ZNF850: variants seen among roughly 807,000 people sequenced by gnomAD.
ZNF850 encodes the protein putative zinc finger protein ENSP00000330994.
A neutral mutation model predicts 11.9 loss-of-function variants in ZNF850; 2 were observed. The ratio of observed to expected loss-of-function variants is 0.17; its 90% CI spans 0.07 to 0.53. The LOEUF is 0.53. Among genes scored for constraint, ZNF850 ranks in the 20% least tolerant of loss-of-function variants. The pLI is 0.94. For missense variants in ZNF850, 1,014 were observed against 1,316.4 expected (o/e 0.77, Z 3.55); for synonymous variants, 381 against 443.0 (o/e 0.86, Z 1.76).
chr19:36,761,633 C>T lies in ZNF850; in HGVS notation c.235+10G>A, dbSNP rs777354727. 2.5e-5 allele frequency: 38 copies of T among 1,512,262 alleles called. No individual in the cohort carries two copies. Among genetic ancestry groups the T allele is most frequent in the Middle Eastern group, 1.7e-4 (1 of 5,966 alleles). The allele number at this position is 1,512,262 out of a possible 1,614,324, so 93.7% of individuals were successfully genotyped here. ...GCAGTGTCTTCCCCATGTGCTCAGT[C>T]CTTACTCACCTCGGCACCATCCTCC... is the stretch of plus-strand genomic sequence containing the variant. On this transcript the variant is annotated intron_variant, in intron 4 of 4. Transcript: ENST00000591344.
At chr19:36,770,703 C>CAAAAAAAAAAAAAAAAAA (rs567709722) in intron 1 of ZNF850, among the ~76,000 whole-genome samples, 4 of 66,610 alleles carry the variant, frequency 6.0e-5, no homozygotes, top group Middle Eastern at 9.1e-3. Flanking sequence ...GAGACTCCAT[C>CAAAAAAAAAAAAAAAAAA]AAAAAAAAAA....
Position 36,747,808 on chromosome 19 carries a change from T to A in ZNF850, c.3232A>T (p.Thr1078Ser). ...ATTCTCTGATGTCGAGTAAGCTGTG[T>A]AAGCTGTTTAAAGGCCTTCCCACAT... is the stretch of plus-strand genomic sequence containing the variant. ...KTCGKAFKQL[T>S]QLTRHQRIHD... Residue 1078 changes from threonine (T) to serine (S), a missense_variant, in exon 5 of 5, where the codon ACA (threonine) becomes TCA (serine). Around this residue, in one of 2 missense-constraint regions of ZNF850, gnomAD observed 179 missense variants for 294.4 expected, o/e 0.61. Transcript: ENST00000591344. The A allele has an allele frequency of 6.4e-7, 1 of 1,561,932 alleles. No homozygotes were observed. The highest frequency in any genetic ancestry group is 8.6e-7 in the Non-Finnish European group (1 of 1,158,286).
intron 3 of ZNF850, 32 bp from the exon 4 acceptor site, chr19:36,761,770 G>T (rs765092623): frequency 4.6e-6 from 6 of 1,311,214 alleles, no homozygotes; most frequent in Admixed American, 2.0e-5. Context: ...AGATAGCCAG[G>T]CATGGTGGCT....
At chr19:36,762,916 G>C (rs1260604982) in intron 1 of ZNF850, among the ~76,000 whole-genome samples, 2 of 151,266 alleles carry the variant, frequency 1.3e-5, no homozygotes, top group African/African-American at 4.9e-5. Flanking sequence ...TTTGAGACAG[G>C]GTCTCGTTCT....
At chr19:36,768,146 C>T (rs2040559629) in intron 1 of ZNF850, among the ~76,000 whole-genome samples, 1 of 151,764 alleles carries the variant, frequency 6.6e-6, no homozygotes, top group Admixed American at 6.6e-5. Context: ...TGGTGTACAT[C>T]TGTGAACTGT....
chr19:36,757,503 C>CTTTTTT, intron 4 of ZNF850, among the ~76,000 whole-genome samples: 1 of 97,398 alleles, frequency 1.0e-5, no homozygotes, highest in Non-Finnish European at 2.1e-5. Context: ...AATATAGTTT[C>CTTTTTT]TTTTTTTTTT....
At position 36,748,343 on chromosome 19, in the gene ZNF850, A is replaced by G. The variant is rs753305498; in HGVS notation, c.2697T>C (p.Cys899=). The G allele has an allele frequency of 4.4e-6, 7 of 1,593,622 alleles. No individual in the cohort carries two copies. Among genetic ancestry groups the G allele is most frequent in the East Asian group, 2.3e-5 (1 of 44,206 alleles). Residue 899 remains cysteine, a synonymous_variant, in exon 5 of 5, where the codon TGT becomes TGC. Transcript: ENST00000591344. ...RIHTGEKPYD[C]KECGKAFRRR... ...GTCTAAAGGCCTTGCCACATTCCTT[A>G]CAATCATAGGGTTTCTCACCAGTGT...
chr19:36,766,238 A>C (rs1458117415), intron 1 of ZNF850, among the ~76,000 whole-genome samples: 1 of 151,514 alleles, frequency 6.6e-6, no homozygotes, highest in Non-Finnish European at 1.5e-5. Context: ...ATGTTCCTTG[A>C]AGACAAAACC....
Position 36,744,534 on chromosome 19 carries a change from G to A in ZNF850, c.*3233C>T, listed in dbSNP as rs1200926911. 6.6e-6 allele frequency: 1 copy of A among 152,046 alleles called. No homozygotes were observed. Among genetic ancestry groups the A allele is most frequent in the Non-Finnish European group, 1.5e-5 (1 of 68,104 alleles). The allele number at this position is 152,046 out of a possible 1,614,324, so 9.4% of individuals were successfully genotyped here. On this transcript the variant is annotated 3_prime_UTR_variant, in exon 5 of 5. Coordinates refer to ENST00000591344, the MANE Select transcript of ZNF850 (RefSeq NM_001193552.2). ...CCTTGCTACTCGGGAGGCTGAGGTGGGGGATCGATTGAGCCCGGGAAGTTG... is the reference window on the plus strand; with the variant it reads ...CCTTGCTACTCGGGAGGCTGAGGTGAGGGATCGATTGAGCCCGGGAAGTTG...
At chr19:36,766,042 C>A (rs1262718989) in intron 1 of ZNF850, among the ~76,000 whole-genome samples, 1 of 151,722 alleles carries the variant, frequency 6.6e-6, no homozygotes, top group Non-Finnish European at 1.5e-5. Flanking sequence ...GCACACACCA[C>A]CACACCTGGC....
chr19:36,769,308 A>G (rs1369965405), intron 1 of ZNF850, among the ~76,000 whole-genome samples: 1 of 146,834 alleles, frequency 6.8e-6, no homozygotes, highest in African/African-American at 2.5e-5. Flanking sequence ...AAGAAAGAAA[A>G]AGAAAATCAG....
In ZNF850 at chr19:36,749,654, T is replaced by G; in HGVS notation, c.1386A>C (p.Ser462=). ...GAATCCGCTGATGTTGAAGTAGTGC[T>G]GAGCCCGAAGCAAAAGATTTCCCAC... ...KECGKSFASG[S]ALLQHQRIHT... is the part of the protein sequence containing the mutation. The change falls in exon 5 of 5, where the codon TCA becomes TCC. Residue 462 remains serine (S), a synonymous_variant. Coordinates refer to ENST00000591344, the MANE Select transcript of ZNF850 (RefSeq NM_001193552.2). The G allele has an allele frequency of 6.4e-7, 1 of 1,554,436 alleles. No individual in the cohort carries two copies. The highest frequency in any genetic ancestry group is 1.2e-5 in the South Asian group (1 of 84,812).
chr19:36,744,240 G>T lies in ZNF850; in HGVS notation c.*3527C>A, dbSNP rs963726606. The T allele has an allele frequency of 2.0e-5, 3 of 151,528 alleles. No individual in the cohort carries two copies. The highest frequency in any genetic ancestry group is 4.4e-5 in the Non-Finnish European group (3 of 67,948). 9.4% of individuals were successfully genotyped at this position (151,528 alleles called of 1,614,324 possible). A position where few individuals can be genotyped will look rare whatever the true frequency, so the allele number is the denominator to read the frequency against. ...CTTTGGTCAATAAGAATATACAGGT[G>T]ATCTTTCTGTCTTCATTGTGCTTTT... On this transcript the variant is annotated 3_prime_UTR_variant, in exon 5 of 5. Coordinates refer to ENST00000591344, the MANE Select transcript of ZNF850 (RefSeq NM_001193552.2).
In ZNF850 at chr19:36,762,315, C is replaced by T. The variant is rs780583894; in HGVS notation, c.129G>A (p.Leu43=). 2.5e-6 allele frequency: 4 copies of T among 1,569,780 alleles called. No individual in the cohort carries two copies. The highest frequency in any genetic ancestry group is 3.4e-6 in the Non-Finnish European group (4 of 1,165,454). ...RDVMMENYSS[L]VSLGLSIPKP... is the part of the protein sequence containing the mutation. ...GATAGACATCCTTACCTAGTGAGACCAGGCTGCTGTAGTTCTCCATCATTA... is the reference window on the plus strand; with the variant it reads ...GATAGACATCCTTACCTAGTGAGACTAGGCTGCTGTAGTTCTCCATCATTA... Residue 43 remains leucine, a synonymous_variant, in exon 3 of 5, where the codon CTG becomes CTA. Transcript: ENST00000591344.
At chr19:36,758,342 A>G in intron 4 of ZNF850, among the ~76,000 whole-genome samples, 1 of 152,206 alleles carries the variant, frequency 6.6e-6, no homozygotes, top group Non-Finnish European at 1.5e-5. Flanking sequence ...CATTTACAAA[A>G]GCTCATGGAT....
intron 1 of ZNF850, 142 bp from the exon 2 acceptor site, chr19:36,762,817 A>G (rs1209339981): frequency 3.4e-6 from 2 of 580,318 alleles, no homozygotes; most frequent in Non-Finnish European, 6.1e-6. Flanking sequence ...ATTTACAACA[A>G]AAGCTTAATA....
In ZNF850 at chr19:36,747,770, T is replaced by C; in HGVS notation, c.3270A>G (p.Thr1090=). The change falls in exon 5 of 5, where the codon ACA becomes ACG. Residue 1090 remains threonine, a synonymous_variant. Transcript: ENST00000591344. ...TGAGAACAGTTTCCTACATTAATTA[T>C]GTTAGGTCATGAATTCTCTGATGTC... is the stretch of plus-strand genomic sequence containing the variant. The part of the protein sequence containing the change: ...LTRHQRIHDL[T] The C allele has an allele frequency of 1.3e-6, 2 of 1,505,176 alleles. No individual in the cohort carries two copies. Among genetic ancestry groups the C allele is most frequent in the South Asian group, 2.5e-5 (2 of 79,466 alleles). 93.2% of individuals were successfully genotyped at this position (1,505,176 alleles called of 1,614,324 possible).
At chr19:36,769,752 C>T (rs1027873749) in intron 1 of ZNF850, among the ~76,000 whole-genome samples, 1 of 152,222 alleles carries the variant, frequency 6.6e-6, no homozygotes, top group Non-Finnish European at 1.5e-5. Context: ...CAGAAGACTT[C>T]TGTGGCCTCA....
chr19:36,747,731 C>G lies in ZNF850; in HGVS notation c.*36G>C, dbSNP rs180942153. 160 of 1,454,894 alleles carry G rather than the reference C, an allele frequency of 1.1e-4. No individual in the cohort carries two copies. Among genetic ancestry groups the G allele is most frequent in the Non-Finnish European group, 1.4e-4 (154 of 1,106,670 alleles). The allele number at this position is 1,454,894 out of a possible 1,614,324, so 90.1% of individuals were successfully genotyped here. ...CCACATATGGAATCTGCTGATGATC[C>G]ATGACAAATGGCATGAGAACAGTTT... On this transcript the variant is annotated 3_prime_UTR_variant, in exon 5 of 5. Transcript: ENST00000591344.
Sources: gnomAD v4.1 joint callset for allele counts (sites outside exome capture counted in the v4.1 genomes callset) on GRCh38, gnomAD v4.1.1 for gene constraint, gnomAD v4.1.1 regional missense constraint, MANE v1.5 for transcripts, NCBI Gene and HGNC (gene_info 2026-07-23, HGNC 2026-07-21) for gene names.